Variants in GALNT14 observed in about 807,000 individuals in gnomAD.
GALNT14 encodes polypeptide N-acetylgalactosaminyltransferase 14.
GALNT14 carries 60 observed loss-of-function variants against 77.5 expected under a neutral mutation model. The ratio of observed to expected loss-of-function variants is 0.77; its 90% CI spans 0.63 to 0.96. The LOEUF (loss-of-function observed/expected upper bound fraction) is 0.96, where lower values mean the gene tolerates loss of function less well. Among genes scored for constraint, GALNT14 ranks in the 40% least tolerant of loss-of-function variants. GALNT14 has a pLI of 0.00. For synonymous variants in GALNT14, 280 were observed against 281.7 expected, an observed-to-expected ratio of 0.99 and a Z score of 0.06; for missense variants, 710 against 731.0, an observed-to-expected ratio of 0.97 and a Z score of 0.33.
intron 1 of GALNT14, among the ~76,000 whole-genome samples, chr2:31,137,714 C>T (rs1352405506): frequency 6.6e-6 from 1 of 152,172 alleles, no homozygotes; most frequent in African/African-American, 2.4e-5. Context: ...GAGCCCCGCT[C>T]CGCAGGCGAG....
chr2:30,908,150 C>G (rs1310089051), downstream of GALNT14, among the ~76,000 whole-genome samples: 10 of 142,726 alleles, frequency 7.0e-5, no homozygotes, highest in Non-Finnish European at 1.4e-4. Context: ...AAAACTGGCA[C>G]AAGACAGGGA....
chr2:30,987,687 A>G (rs1669386952), intron 2 of GALNT14, among the ~76,000 whole-genome samples: 1 of 150,100 alleles, frequency 6.7e-6, no homozygotes, highest in Admixed American at 6.6e-5. Context: ...GCTGGGTGAA[A>G]CTTCTACAGC....
intron 2 of GALNT14, among the ~76,000 whole-genome samples, chr2:30,978,507 CA>C (rs1334210619): frequency 3.9e-5 from 6 of 152,150 alleles, no homozygotes; most frequent in Non-Finnish European, 5.9e-5. Flanking sequence ...TCCCACACAT[CA>C]GGGGGATGGT....
At chr2:30,897,557 G>A in the GALNT14 span, among the ~76,000 whole-genome samples, 2 of 152,354 alleles carry the variant, frequency 1.3e-5, no homozygotes, top group South Asian at 4.1e-4. Context: ...ATGTTGGTGA[G>A]AGGCACGGCC....
Position 30,942,247 on chromosome 2 carries a change from C to T in GALNT14, c.885G>A (p.Leu295=), listed in dbSNP as rs1666419019. ...FVIDKAWFDY[L]GKYDMDMDIW... is the part of the protein sequence containing the mutation. ...TGTCCATGTCCATATCATATTTCCC[C>T]AGGTAATCAAACCAAGCTTTGTCGA... The change falls in exon 9 of 15, where the codon CTG becomes CTA. Residue 295 remains leucine, a synonymous_variant. Coordinates refer to ENST00000349752, the MANE Select transcript of GALNT14 (RefSeq NM_024572.4). The T allele has an allele frequency of 6.2e-7, 1 of 1,614,132 alleles. No individual in the cohort carries two copies. The highest frequency in any genetic ancestry group is 8.5e-7 in the Non-Finnish European group (1 of 1,180,018).
chr2:30,908,456 C>A (rs1664203675), downstream of GALNT14, among the ~76,000 whole-genome samples: 1 of 143,450 alleles, frequency 7.0e-6, no homozygotes, highest in Non-Finnish European at 1.5e-5. Flanking sequence ...CTCCCATTCA[C>A]AATTGCTTCA....
At chr2:30,997,779 A>T (rs1235358686) in intron 1 of GALNT14, among the ~76,000 whole-genome samples, 1 of 152,246 alleles carries the variant, frequency 6.6e-6, no homozygotes, top group Non-Finnish European at 1.5e-5. Flanking sequence ...GGAATGATCA[A>T]ATCAGGCTAA....
intron 1 of GALNT14, among the ~76,000 whole-genome samples, chr2:31,131,175 G>A (rs1264327594): frequency 2.0e-5 from 3 of 152,116 alleles, no homozygotes; most frequent in Non-Finnish European, 2.9e-5. Flanking sequence ...CAGGAAACTC[G>A]GGGAGTAAAA....
chr2:31,008,930 C>T (rs992750460), intron 1 of GALNT14, among the ~76,000 whole-genome samples: 4 of 152,144 alleles, frequency 2.6e-5, no homozygotes, highest in Non-Finnish European at 4.4e-5. Context: ...GCCAGACAAG[C>T]ATGAGAAATG....
At chr2:31,076,633 T>A (rs560079666) in intron 1 of GALNT14, among the ~76,000 whole-genome samples, 4,544 of 144,498 alleles carry the variant, frequency 0.031, 187 homozygotes, top group African/African-American at 0.1. Context: ...ATATATATTT[T>A]TTTTTTTTTT....
At chr2:30,941,578 A>G (rs1298203289) in intron 9 of GALNT14, among the ~76,000 whole-genome samples, 1 of 152,186 alleles carries the variant, frequency 6.6e-6, no homozygotes, top group African/African-American at 2.4e-5. Flanking sequence ...TGTGGCTGCA[A>G]GCCTCAGCTC....
intron 2 of GALNT14, 116 bp downstream of exon 2, chr2:30,992,722 G>T: frequency 8.6e-7 from 1 of 1,164,372 alleles, no homozygotes; most frequent in Non-Finnish European, 1.2e-6. Flanking sequence ...TCAACTGGCA[G>T]CAGATGGTCC....
chr2:30,974,670 A>C (rs1179086827), intron 2 of GALNT14, among the ~76,000 whole-genome samples: 1 of 152,206 alleles, frequency 6.6e-6, no homozygotes, highest in East Asian at 1.9e-4. Flanking sequence ...TCCCCTGGGA[A>C]GCATTTCAGT....
intron 1 of GALNT14, among the ~76,000 whole-genome samples, chr2:31,002,729 C>A (rs192318488): frequency 6.6e-6 from 1 of 152,154 alleles, no homozygotes; most frequent in Non-Finnish European, 1.5e-5. Flanking sequence ...TAATATAACT[C>A]CCACCTGCAG....
intron 14 of GALNT14, among the ~76,000 whole-genome samples, chr2:30,911,395 T>C (rs548841572): frequency 7.0e-4 from 106 of 152,250 alleles, no homozygotes; most frequent in Middle Eastern, 6.8e-3. Context: ...ATCTGCACGA[T>C]GGCAGAGAAG....
intron 3 of GALNT14, among the ~76,000 whole-genome samples, chr2:30,964,755 T>C (rs1017190763): frequency 1.3e-5 from 2 of 152,194 alleles, no homozygotes; most frequent in Non-Finnish European, 2.9e-5. Context: ...CTAAGGGATG[T>C]GGTGACTGTA....
intron 1 of GALNT14, among the ~76,000 whole-genome samples, chr2:31,042,210 A>C (rs1036293142): frequency 1.3e-5 from 2 of 152,228 alleles, no homozygotes; most frequent in African/African-American, 4.8e-5. Flanking sequence ...GGTACTTTAA[A>C]TAGTTAGCTC....
the GALNT14 span, among the ~76,000 whole-genome samples, chr2:30,888,611 T>C: frequency 6.6e-6 from 1 of 152,072 alleles, no homozygotes; most frequent in African/African-American, 2.4e-5. Context: ...GATGAGCTCA[T>C]TGTTTTCCTA....
At chr2:30,922,315 A>T (rs1308450116) in intron 13 of GALNT14, among the ~76,000 whole-genome samples, 2 of 151,810 alleles carry the variant, frequency 1.3e-5, no homozygotes, top group African/African-American at 4.8e-5. Flanking sequence ...CAGGACAAAA[A>T]GCAACCTCTT....
Sources: allele counts gnomAD v4.1 joint callset (sites outside exome capture counted in the v4.1 genomes callset), GRCh38; gene constraint gnomAD v4.1.1; transcripts MANE v1.5; gene names NCBI Gene and HGNC (gene_info 2026-07-23, HGNC 2026-07-21).